KIF21A: variants seen among roughly 807,000 people sequenced by gnomAD.
KIF21A encodes the protein kinesin family member 21A.
A neutral mutation model predicts 202.9 loss-of-function variants in KIF21A; 114 were observed. The observed-to-expected ratio is 0.56, with a 90% CI of 0.48 to 0.66. KIF21A has a LOEUF of 0.66. Among genes scored for constraint, KIF21A ranks in the 30% least tolerant of loss-of-function variants. The probability of loss-of-function intolerance (pLI) is 0.00; values close to 1 mark genes in which losing one functional copy is unlikely to be tolerated. For synonymous variants in KIF21A, 667 were observed against 670.8 expected (o/e 0.99, Z 0.09); for missense variants, 1,677 against 1,994.9 (o/e 0.84, Z 3.04).
chr12:39,345,343 CAAT>C (rs1417388013), intron 12 of KIF21A, among the ~76,000 whole-genome samples: 7 of 151,848 alleles, frequency 4.6e-5, no homozygotes, highest in Admixed American at 4.6e-4. Context: ...AACTTAATTC[CAAT>C]AATAAACATG....
chr12:39,424,765 A>T (rs980074165), intron 1 of KIF21A, among the ~76,000 whole-genome samples: 2 of 152,150 alleles, frequency 1.3e-5, no homozygotes, highest in Non-Finnish European at 2.9e-5. Context: ...CTCCTGGAAC[A>T]TAATAACTGC....
At chr12:39,323,160 T>A (rs755685666) in intron 26 of KIF21A, among the ~76,000 whole-genome samples, 1 of 152,090 alleles carries the variant, frequency 6.6e-6, no homozygotes, top group Non-Finnish European at 1.5e-5. Flanking sequence ...AATATCATTA[T>A]CTCAATTCCA....
chr12:39,322,402 A>T (rs58946919), intron 27 of KIF21A: 1 of 312,738 alleles, frequency 3.2e-6, no homozygotes, highest in East Asian at 6.7e-5. Context: ...TCTGTAATTC[A>T]TAAGTCAGCC....
chr12:39,341,932 A>G (rs1368480401), intron 13 of KIF21A, 102 bp downstream of exon 13: 2 of 803,324 alleles, frequency 2.5e-6, no homozygotes, highest in African/African-American at 3.4e-5. Flanking sequence ...AGAATGCATC[A>G]TAAGCAGTTC....
At position 39,442,158 on chromosome 12, in the gene KIF21A, G is replaced by T. The variant is rs964537680; in HGVS notation, c.44+769C>A. 6.6e-6 allele frequency among the ~76,000 whole-genome samples: 1 copy of T among 152,028 alleles called. No individual in the cohort carries two copies. Among genetic ancestry groups the T allele is most frequent in the Non-Finnish European group, 1.5e-5 (1 of 68,000 alleles). The stretch of plus-strand genomic sequence containing the variant: ...ATTTCCAGACTCACACCCTGGCCTG[G>T]GTAACGTTACGATTACATTGTATCC... On this transcript the variant is annotated intron_variant, in intron 1 of 37. Coordinates refer to ENST00000361418, the MANE Select transcript of KIF21A (RefSeq NM_001173464.2). This position sits in a 1 kb window ranked among gnomAD's most constrained non-coding sequence, Gnocchi z 5.0.
At chr12:39,387,933 G>A (rs1004772846) in intron 1 of KIF21A, among the ~76,000 whole-genome samples, 1 of 152,100 alleles carries the variant, frequency 6.6e-6, no homozygotes, top group African/African-American at 2.4e-5. Context: ...CTAGGTATAT[G>A]GTACCCTCTT....
In KIF21A at chr12:39,309,769, A is replaced by C; in HGVS notation, c.4097-3T>G. ...ATTCCATACTTTACAAGTACGATCT[A>C]AAACAAACACATAAAAAAAAGAAAA... On this transcript the variant is annotated splice_region_variant and splice_polypyrimidine_tract_variant and intron_variant, in intron 32 of 37. Coordinates refer to ENST00000361418, the MANE Select transcript of KIF21A (RefSeq NM_001173464.2). 1 of 1,611,992 alleles carries C rather than the reference A, an allele frequency of 6.2e-7. No individual in the cohort carries two copies. Among genetic ancestry groups the C allele is most frequent in the Non-Finnish European group, 8.5e-7 (1 of 1,179,070 alleles).
At chr12:39,357,055 G>A (rs902199211) in intron 9 of KIF21A, among the ~76,000 whole-genome samples, 160 bp from the exon 10 acceptor site, 4 of 152,082 alleles carry the variant, frequency 2.6e-5, no homozygotes, top group African/African-American at 9.7e-5. Flanking sequence ...AAGATAATAT[G>A]ATTACAAAGG....
intron 1 of KIF21A, among the ~76,000 whole-genome samples, chr12:39,374,898 T>G (rs1054683273): frequency 2.0e-5 from 3 of 151,992 alleles, no homozygotes; most frequent in African/African-American, 7.3e-5. Context: ...AATAAACTAC[T>G]TTTTTTTCCC....
chr12:39,395,173 C>T (rs1005469763), intron 1 of KIF21A, among the ~76,000 whole-genome samples: 6 of 152,180 alleles, frequency 3.9e-5, no homozygotes, highest in African/African-American at 1.4e-4. Flanking sequence ...TTTCCATAAA[C>T]CTGCTAGAAC....
chr12:39,353,473 TAAA>T (rs1948549380), intron 10 of KIF21A, among the ~76,000 whole-genome samples: 1 of 152,158 alleles, frequency 6.6e-6, no homozygotes, highest in South Asian at 2.1e-4. Context: ...AAAATTCATA[TAAA>T]AACTCAAAGT....
chr12:39,436,448 A>ATATATATATTTTTT (rs1387332677), intron 1 of KIF21A, among the ~76,000 whole-genome samples: 1 of 95,766 alleles, frequency 1.0e-5, no homozygotes, highest in East Asian at 3.2e-4. Flanking sequence ...ATATATATAT[A>ATATATATATTTTTT]TTTTTTTTTT....
intron 37 of KIF21A, among the ~76,000 whole-genome samples, chr12:39,294,748 T>A (rs1342676310): frequency 6.6e-6 from 1 of 152,234 alleles, no homozygotes; most frequent in Non-Finnish European, 1.5e-5. Context: ...TTTACATATG[T>A]TAACACACAT....
At position 39,315,994 on chromosome 12, in the gene KIF21A, TGA is replaced by T. The variant is rs752581149; in HGVS notation, c.3909-26_3909-25del. Reference sequence around the variant, plus strand: ...ACCTATAGTGAAAGAGTTAGAATTATGAGAGAAAGAATACAGATGTCAACAGG... The same window carrying T: ...ACCTATAGTGAAAGAGTTAGAATTATGAGAAAGAATACAGATGTCAACAGG... On this transcript the variant is annotated intron_variant, in intron 29 of 37. Coordinates refer to ENST00000361418, the MANE Select transcript of KIF21A (RefSeq NM_001173464.2). The T allele has an allele frequency of 1.9e-6, 3 of 1,556,406 alleles. No homozygotes were observed. The African/African-American group carries it at 4.1e-5, about 21-fold the overall frequency.
rs1939781628 is a variant in KIF21A, at chr12:39,442,480, G to A, written c.44+447C>T. On this transcript the variant is annotated intron_variant, in intron 1 of 37. Transcript: ENST00000361418. The surrounding 1 kb of genome is among the most constrained non-coding windows in gnomAD (Gnocchi z 5.0). ...AGATGCTTTGTCTCCTGCCTGGGAA[G>A]GCCGGAGCTGCATGGACACGTATGA... Among the ~76,000 whole-genome samples, 1 of 152,144 alleles carries A rather than the reference G, an allele frequency of 6.6e-6. No individual in the cohort carries two copies. Among genetic ancestry groups the A allele is most frequent in the Non-Finnish European group, 1.5e-5 (1 of 68,018 alleles).
rs2140543663 is a variant in KIF21A at position 39,442,961 on chromosome 12, C to T, written c.10G>A (p.Ala4Thr). The stretch of plus-strand genomic sequence containing the variant: ...ACCCGCACGGAGCTCTCGTCCGGGG[C>T]GCCCAACATGCTGGCGGCGGGCAGC... MLG[A>T]PDESSVRVAV... Residue 4 changes from alanine (A) to threonine (T), a missense_variant, in exon 1 of 38, where the codon GCC (alanine) becomes ACC (threonine). By Grantham distance (58) the Ala-to-Thr change is moderately conservative (BLOSUM62 0). Transcript: ENST00000361418. This position sits in a 1 kb window ranked among gnomAD's most constrained non-coding sequence, Gnocchi z 5.0. 4 of 1,522,242 alleles carry T rather than the reference C, an allele frequency of 2.6e-6. No homozygotes were observed. Among genetic ancestry groups the T allele is most frequent in the Non-Finnish European group, 3.5e-6 (4 of 1,142,136 alleles). 94.3% of individuals were successfully genotyped at this position (1,522,242 alleles called of 1,614,324 possible).
intron 6 of KIF21A, among the ~76,000 whole-genome samples, chr12:39,364,018 A>AAAAT (rs947951110): frequency 2.0e-5 from 3 of 152,212 alleles, no homozygotes; most frequent in African/African-American, 4.8e-5. Flanking sequence ...ACCCCGCCTC[A>AAAAT]AAATAAATAA....
intron 7 of KIF21A, among the ~76,000 whole-genome samples, chr12:39,358,996 T>TTTGTATGTTATGTTTG (rs1476304401): frequency 1.4e-4 from 22 of 152,164 alleles, no homozygotes; most frequent in Non-Finnish European, 3.2e-4. Context: ...GTATGCCCCA[T>TTTGTATGTTATGTTTG]TATGTTTGTA....
At chr12:39,409,269 C>T (rs899103532) in intron 1 of KIF21A, among the ~76,000 whole-genome samples, 3 of 151,574 alleles carry the variant, frequency 2.0e-5, no homozygotes, top group Non-Finnish European at 4.4e-5. Flanking sequence ...TCTGTAATCC[C>T]AGCACCTTAG....
Sources: gnomAD v4.1 joint callset for allele counts (sites outside exome capture counted in the v4.1 genomes callset) on GRCh38, gnomAD v4.1.1 for gene constraint, Gnocchi (gnomAD v3.1) non-coding constraint, MANE v1.5 for transcripts, NCBI Gene and HGNC (gene_info 2026-07-23, HGNC 2026-07-21) for gene names.